STAT4: variants seen among roughly 807,000 people sequenced by gnomAD.
STAT4 encodes signal transducer and activator of transcription 4.
A neutral mutation model predicts 110.5 loss-of-function variants in STAT4; 42 were observed. The observed-to-expected ratio is 0.38, with a 90% confidence interval of 0.30 to 0.49. The LOEUF is 0.49. Among genes scored for constraint, STAT4 ranks in the 20% least tolerant of loss-of-function variants. STAT4 has a pLI of 0.95. For missense variants in STAT4, 632 were observed against 887.9 expected (o/e 0.71, Z 3.66); for synonymous variants, 284 against 302.2 (o/e 0.94, Z 0.63).
chr2:191,150,771 A>G lies in STAT4; in HGVS notation c.-2+176T>C, dbSNP rs1338017808. ...GCGGTTTCCGCGGAGAACCCGTGCC[A>G]GGGCGCATCTGTGGGTCGTGGAGTC... On this transcript the variant is annotated intron_variant, in intron 1 of 23. Transcript: ENST00000392320. The surrounding 1 kb of genome is among the most constrained non-coding windows in gnomAD (Gnocchi z 6.4). Among the ~76,000 whole-genome samples, 2 of 152,212 alleles carry G rather than the reference A, an allele frequency of 1.3e-5. 1 individual carries two copies. Among genetic ancestry groups the G allele is most frequent in the Middle Eastern group, 6.3e-3 (2 of 316 alleles).
At position 191,099,913 on chromosome 2, in the gene STAT4, T is replaced by C. The variant is rs1167209500; in HGVS notation, c.274-23588A>G. Among the ~76,000 whole-genome samples, 1 of 152,190 alleles carries C rather than the reference T, an allele frequency of 6.6e-6. No individual in the cohort carries two copies. Among genetic ancestry groups the C allele is most frequent in the Non-Finnish European group, 1.5e-5 (1 of 68,022 alleles). Reference sequence around the variant, plus strand: ...AAGTTGGTGACCAAAATGTTAATAGTGGTTATCTTATTTCAGTGGAATTTC... The same window carrying C: ...AAGTTGGTGACCAAAATGTTAATAGCGGTTATCTTATTTCAGTGGAATTTC... On this transcript the variant is annotated intron_variant, in intron 3 of 23. Transcript: ENST00000392320. This position sits in a 1 kb window ranked among gnomAD's most constrained non-coding sequence, Gnocchi z 4.1.
Position 191,150,123 on chromosome 2 carries a change from T to C in STAT4, c.-2+824A>G, listed in dbSNP as rs1699557100. On this transcript the variant is annotated intron_variant, in intron 1 of 23. Transcript: ENST00000392320. The surrounding 1 kb of genome is among the most constrained non-coding windows in gnomAD (Gnocchi z 6.4). ...TATTCCATAAATATTTACAATTGTGTGTCAAATGAAAATAAAAGGAAAATT... is the reference window on the plus strand; with the variant it reads ...TATTCCATAAATATTTACAATTGTGCGTCAAATGAAAATAAAAGGAAAATT... Among the ~76,000 whole-genome samples, 1 of 152,020 alleles carries C rather than the reference T, an allele frequency of 6.6e-6. No homozygotes were observed. Among genetic ancestry groups the C allele is most frequent in the Non-Finnish European group, 1.5e-5 (1 of 68,018 alleles).
rs1439844555 is a variant in STAT4, at chr2:191,142,592, G to A, written c.273+4021C>T. ...ACAATGTAATGTATATTTCAGAGTAGCTAGAAGAATGGGTTTGAAATGTTT... is the reference window on the plus strand; with the variant it reads ...ACAATGTAATGTATATTTCAGAGTAACTAGAAGAATGGGTTTGAAATGTTT... On this transcript the variant is annotated intron_variant, in intron 3 of 23. Coordinates refer to ENST00000392320, the MANE Select transcript of STAT4 (RefSeq NM_003151.4). This position sits in a 1 kb window ranked among gnomAD's most constrained non-coding sequence, Gnocchi z 4.1. 1.3e-5 allele frequency among the ~76,000 whole-genome samples: 2 copies of A among 152,164 alleles called. No individual in the cohort carries two copies. Among genetic ancestry groups the A allele is most frequent in the Admixed American group, 6.5e-5 (1 of 15,268 alleles).
chr2:191,107,172 T>G lies in STAT4; in HGVS notation c.274-30847A>C, dbSNP rs1698305702. ...TGAAAAATGGTTAAAAGCTTCAGGG[T>G]TTGAGGTGTCTTGTTTTGTGAGGTC... On this transcript the variant is annotated intron_variant, in intron 3 of 23. Coordinates refer to ENST00000392320, the MANE Select transcript of STAT4 (RefSeq NM_003151.4). The surrounding 1 kb of genome is among the most constrained non-coding windows in gnomAD (Gnocchi z 4.2). Among the ~76,000 whole-genome samples, 1 of 152,116 alleles carries G rather than the reference T, an allele frequency of 6.6e-6. No homozygotes were observed. Among genetic ancestry groups the G allele is most frequent in the Non-Finnish European group, 1.5e-5 (1 of 68,030 alleles).
chr2:191,074,619 G>C (rs1697260021), intron 4 of STAT4, among the ~76,000 whole-genome samples: 1 of 151,788 alleles, frequency 6.6e-6, no homozygotes, highest in Middle Eastern at 3.4e-3. Context: ...ATATAAGAAG[G>C]GTTCAAAAAA....
rs1696144026 is a variant in STAT4 at position 191,039,975 on chromosome 2, T to C, written c.1336-678A>G. The stretch of plus-strand genomic sequence containing the variant: ...GGTAAAATACCCATTTGAGGAACTT[T>C]AACAACTCATAAAAACAGAGGTTTA... On this transcript the variant is annotated intron_variant, in intron 15 of 23. Coordinates refer to ENST00000392320, the MANE Select transcript of STAT4 (RefSeq NM_003151.4). The surrounding 1 kb of genome is among the most constrained non-coding windows in gnomAD (Gnocchi z 4.7). Among the ~76,000 whole-genome samples, 1 of 152,226 alleles carries C rather than the reference T, an allele frequency of 6.6e-6. No homozygotes were observed. The highest frequency in any genetic ancestry group is 2.1e-4 in the South Asian group (1 of 4,830).
chr2:191,096,189 T>C lies in STAT4; in HGVS notation c.274-19864A>G, dbSNP rs192669830. On this transcript the variant is annotated intron_variant, in intron 3 of 23. Coordinates refer to ENST00000392320, the MANE Select transcript of STAT4 (RefSeq NM_003151.4). ...ATTCATAGCCAAATTCTACCAGAGG[T>C]ACAAAGAGGAGCTGGTACCATTCCT... Among the ~76,000 whole-genome samples the C allele has an allele frequency of 7.5e-3, 1,136 of 152,060 alleles. 16 individuals are homozygous for C. Among genetic ancestry groups the C allele is most frequent in the African/African-American group, 0.026 (1,067 of 41,472 alleles).
In STAT4 at chr2:191,037,637, G is replaced by A. The variant is rs867094076; in HGVS notation, c.1435-1338C>T. 1.8e-4 allele frequency among the ~76,000 whole-genome samples: 27 copies of A among 152,150 alleles called. No homozygotes were observed. Among genetic ancestry groups the A allele is most frequent in the African/African-American group, 6.3e-4 (26 of 41,438 alleles). ...TCCAGTGCGGTGCCTGGAAAAGGCC[G>A]TTGTGAACAAGAGCTAAATTGGGCT... On this transcript the variant is annotated intron_variant, in intron 16 of 23. Transcript: ENST00000392320. The surrounding 1 kb of genome is among the most constrained non-coding windows in gnomAD (Gnocchi z 4.8).
intron 18 of STAT4, 37 bp downstream of exon 18, chr2:191,034,511 A>G: frequency 6.5e-7 from 1 of 1,543,460 alleles, no homozygotes; most frequent in Middle Eastern, 1.7e-4. Flanking sequence ...TGTATTAAAA[A>G]AATGTATCTA....
intron 3 of STAT4, among the ~76,000 whole-genome samples, chr2:191,084,177 G>A (rs1011323633): frequency 2.6e-5 from 4 of 151,844 alleles, no homozygotes; most frequent in Admixed American, 6.6e-5. Context: ...CAAGAGACTC[G>A]CTTGAACCCA....
At chr2:191,126,705 A>G (rs1274319363) in intron 3 of STAT4, among the ~76,000 whole-genome samples, 1 of 152,128 alleles carries the variant, frequency 6.6e-6, no homozygotes, top group Non-Finnish European at 1.5e-5. Flanking sequence ...TGGGGTTTCC[A>G]TGTCAGCTCC....
chr2:191,035,947 A>G lies in STAT4; in HGVS notation c.1570+217T>C, dbSNP rs1696032145. 1.3e-5 allele frequency among the ~76,000 whole-genome samples: 2 copies of G among 152,228 alleles called. No homozygotes were observed. The highest frequency in any genetic ancestry group is 2.1e-4 in the South Asian group (1 of 4,838). On this transcript the variant is annotated intron_variant, in intron 17 of 23. Transcript: ENST00000392320. This position sits in a 1 kb window ranked among gnomAD's most constrained non-coding sequence, Gnocchi z 4.7. ...TCACTTGACTTCTGCACTCCAATCC[A>G]GTCATTTATAAAATTGGTAGAATAA...
upstream of STAT4, chr2:191,151,244 A>G (rs1174792997): frequency 3.0e-6 from 3 of 985,604 alleles, no homozygotes; most frequent in Non-Finnish European, 3.6e-6. The surrounding 1 kb of genome is among the most constrained non-coding windows in gnomAD (Gnocchi z 4.7). Context: ...CAGGTGGCTC[A>G]GCAGTGCCAG....
At chr2:191,096,890 C>T (rs11691317) in intron 3 of STAT4, among the ~76,000 whole-genome samples, 68,476 of 152,038 alleles carry the variant, frequency 0.45, 18,826 homozygotes, top group Non-Finnish European at 0.59. Context: ...CAGCCCAAAA[C>T]CTCCTTAAGC....
rs1304979810 is a variant in STAT4, at chr2:191,088,063, T to C, written c.274-11738A>G. Among the ~76,000 whole-genome samples, 8 of 152,214 alleles carry C rather than the reference T, an allele frequency of 5.3e-5. No individual in the cohort carries two copies. The Middle Eastern group carries it at 0.01, about 194-fold the overall frequency. On this transcript the variant is annotated intron_variant, in intron 3 of 23. Transcript: ENST00000392320. ...AATACAATAAGGTAAGAAAAGGAAATAAATTCTATACAAATAGGGAAGGAT... is the reference window on the plus strand; with the variant it reads ...AATACAATAAGGTAAGAAAAGGAAACAAATTCTATACAAATAGGGAAGGAT...
rs116522016 is a variant in STAT4, at chr2:191,101,348, C to T, written c.274-25023G>A. ...CTTTAAAAATAAAATTCAGAGCATA[C>T]TCAATGTATCATTATATATCTGCTT... On this transcript the variant is annotated intron_variant, in intron 3 of 23. Coordinates refer to ENST00000392320, the MANE Select transcript of STAT4 (RefSeq NM_003151.4). Among the ~76,000 whole-genome samples, 793 of 152,226 alleles carry T rather than the reference C, an allele frequency of 5.2e-3. 4 individuals are homozygous for T. The highest frequency in any genetic ancestry group is 0.018 in the African/African-American group (744 of 41,532).
intron 4 of STAT4, among the ~76,000 whole-genome samples, chr2:191,075,358 AG>A (rs1274463800): frequency 6.6e-6 from 1 of 152,166 alleles, no homozygotes; most frequent in Non-Finnish European, 1.5e-5. Flanking sequence ...GAATTCATCC[AG>A]GAAAATGGGA....
In STAT4 at chr2:191,107,040, G is replaced by A. The variant is rs553790853; in HGVS notation, c.274-30715C>T. Among the ~76,000 whole-genome samples, 11 of 152,332 alleles carry A rather than the reference G, an allele frequency of 7.2e-5. No homozygotes were observed. In the East Asian group the frequency reaches 2.1e-3, roughly 29 times the overall value. ...TGATATTTGGACTTGATAGACACATGTATGAAATTCAAGTACTCTACACAT... is the reference window on the plus strand; with the variant it reads ...TGATATTTGGACTTGATAGACACATATATGAAATTCAAGTACTCTACACAT... On this transcript the variant is annotated intron_variant, in intron 3 of 23. Transcript: ENST00000392320. The surrounding 1 kb of genome is among the most constrained non-coding windows in gnomAD (Gnocchi z 4.2).
intron 8 of STAT4, among the ~76,000 whole-genome samples, chr2:191,064,021 A>G (rs1035822092): frequency 1.3e-5 from 2 of 152,198 alleles, no homozygotes; most frequent in African/African-American, 4.8e-5. Flanking sequence ...TTTTGCATTT[A>G]TGACATGGAA....
Sources: allele counts gnomAD v4.1 joint callset (sites outside exome capture counted in the v4.1 genomes callset), GRCh38; gene constraint gnomAD v4.1.1; non-coding constraint Gnocchi (gnomAD v3.1); transcripts MANE v1.5; gene names NCBI Gene and HGNC (gene_info 2026-07-23, HGNC 2026-07-21).